ROBO2: variants seen among roughly 807,000 people sequenced by gnomAD.
ROBO2 encodes the protein roundabout homolog 2.
A neutral mutation model predicts 160.8 loss-of-function variants in ROBO2; 53 were observed. The ratio of observed to expected loss-of-function variants is 0.33; its 90% CI spans 0.26 to 0.41. The LOEUF (loss-of-function observed/expected upper bound fraction) is 0.41, where lower values mean the gene tolerates loss of function less well. Ranked by LOEUF, ROBO2 falls within the 10% of genes least tolerant of loss-of-function variation. The pLI, the probability that ROBO2 is intolerant of heterozygous loss-of-function variation, is 1.00. For missense variants in ROBO2, 1,577 were observed against 1,722.4 expected (o/e 0.92, Z 1.49); for synonymous variants, 664 against 611.7 (o/e 1.09, Z -1.26).
At chr3:76,536,498 C>A (rs1285348832) in intron 2 of ROBO2, among the ~76,000 whole-genome samples, 2 of 152,016 alleles carry the variant, frequency 1.3e-5, no homozygotes, top group African/African-American at 4.8e-5. Context: ...ACCTTGGGTA[C>A]CTTCTTTAAG....
chr3:76,467,124 GA>G (rs1168141541), intron 2 of ROBO2, among the ~76,000 whole-genome samples: 2 of 151,986 alleles, frequency 1.3e-5, no homozygotes, highest in African/African-American at 4.8e-5. Context: ...TAAATATCAA[GA>G]AAAAACTTGT....
intron 12 of ROBO2, 145 bp from the exon 14 acceptor site, chr3:77,568,168 G>A (rs534739108): frequency 3.8e-6 from 3 of 787,658 alleles, no homozygotes; most frequent in Non-Finnish European, 6.3e-6. Context: ...TATATATATA[G>A]GCTTAAATGC....
intron 2 of ROBO2, among the ~76,000 whole-genome samples, chr3:77,196,877 C>G: frequency 6.6e-6 from 1 of 150,972 alleles, no homozygotes; most frequent in African/African-American, 2.4e-5. Context: ...TGGAAAATTT[C>G]ACTTATATAT....
intron 2 of ROBO2, among the ~76,000 whole-genome samples, chr3:77,464,745 A>C (rs1054217374): frequency 1.3e-5 from 2 of 152,188 alleles, no homozygotes; most frequent in African/African-American, 4.8e-5. Context: ...GGATATTAGA[A>C]GGAAAATGAA....
At chr3:76,882,083 T>G (rs2073394349) in intron 2 of ROBO2, among the ~76,000 whole-genome samples, 2 of 127,582 alleles carry the variant, frequency 1.6e-5, no homozygotes, top group African/African-American at 3.0e-5. Context: ...GGTCGTAGGT[T>G]GGTTGTGTGT....
intron 2 of ROBO2, among the ~76,000 whole-genome samples, chr3:76,982,002 A>C (rs753650975): frequency 6.6e-6 from 1 of 152,190 alleles, no homozygotes; most frequent in Non-Finnish European, 1.5e-5. Flanking sequence ...TGGGGATTAC[A>C]TTTCAACATG....
intron 2 of ROBO2, among the ~76,000 whole-genome samples, chr3:76,095,449 G>A (rs2069401629): frequency 6.6e-6 from 1 of 151,962 alleles, no homozygotes; most frequent in Non-Finnish European, 1.5e-5. Flanking sequence ...ACAAACATCT[G>A]TGCAAAACCA....
intron 2 of ROBO2, among the ~76,000 whole-genome samples, chr3:76,734,124 A>T (rs186291321): frequency 6.6e-6 from 1 of 152,162 alleles, no homozygotes; most frequent in Non-Finnish European, 1.5e-5. Context: ...TTTGTACTTC[A>T]ACATACGAAC....
At chr3:77,493,445 A>G (rs1171621813) in intron 5 of ROBO2, 63 bp downstream of exon 5, 2 of 1,566,892 alleles carry the variant, frequency 1.3e-6, no homozygotes, top group East Asian at 2.3e-5. Context: ...AAATAAAAGG[A>G]CAGCTACAAT....
chr3:77,319,916 C>T (rs1200230568), intron 2 of ROBO2, among the ~76,000 whole-genome samples: 1 of 152,112 alleles, frequency 6.6e-6, no homozygotes. Context: ...AGCCTAAAAA[C>T]CCAAAAAGAT....
At chr3:77,152,792 A>G in intron 2 of ROBO2, among the ~76,000 whole-genome samples, 1 of 152,328 alleles carries the variant, frequency 6.6e-6, no homozygotes, top group Non-Finnish European at 1.5e-5. Context: ...CATATTCCTT[A>G]TAACTCACCC....
intron 2 of ROBO2, among the ~76,000 whole-genome samples, chr3:76,335,178 GTTTTTTTTTTTTTT>G: frequency 1.3e-5 from 1 of 77,874 alleles, no homozygotes; most frequent in East Asian, 4.3e-4. Context: ...TTTCTGTTTT[GTTTTTTTTTTTTTT>G]TTTTTTTTTG....
chr3:76,000,995 CTTCT>C (rs887321687), intron 2 of ROBO2, among the ~76,000 whole-genome samples: 2 of 152,008 alleles, frequency 1.3e-5, no homozygotes, highest in African/African-American at 4.8e-5. Flanking sequence ...TCTATTTTTA[CTTCT>C]TTATTTTTTC....
At chr3:76,213,168 G>A (rs938345113) in intron 2 of ROBO2, among the ~76,000 whole-genome samples, 1 of 152,096 alleles carries the variant, frequency 6.6e-6, no homozygotes, top group African/African-American at 2.4e-5. Flanking sequence ...TCTTGAGAGA[G>A]AGATTTTGGA....
intron 2 of ROBO2, among the ~76,000 whole-genome samples, chr3:76,399,564 G>C (rs184516523): frequency 8.1e-4 from 123 of 151,680 alleles, no homozygotes; most frequent in African/African-American, 2.9e-3. Context: ...ACAAATTAAT[G>C]GCATAATAAA....
rs1001945309 is a variant in ROBO2, at chr3:77,621,825, C to A, written c.3555-402C>A. On this transcript the variant is annotated intron_variant, in intron 22 of 25. Coordinates refer to ENST00000461745, the Ensembl canonical transcript of ROBO2. ...TCTTTTCTTCATAAGGGCCAGCAGG[C>A]AGCATGGGTTACACAGACTGAGTAG... Among the ~76,000 whole-genome samples, 4 of 152,110 alleles carry A rather than the reference C, an allele frequency of 2.6e-5. No individual in the cohort carries two copies. In the South Asian group the frequency reaches 8.3e-4, roughly 32 times the overall value.
chr3:76,594,211 C>G (rs1364854187), intron 2 of ROBO2, among the ~76,000 whole-genome samples: 2 of 151,954 alleles, frequency 1.3e-5, no homozygotes, highest in Non-Finnish European at 2.9e-5. Flanking sequence ...AGTTGCAGAG[C>G]TAGTTGAGAG....
chr3:76,319,252 T>G (rs1375503777), intron 2 of ROBO2, among the ~76,000 whole-genome samples: 1 of 152,064 alleles, frequency 6.6e-6, no homozygotes, highest in African/African-American at 2.4e-5. Context: ...CCAAAGTCTT[T>G]TATTGATGTC....
chr3:76,138,236 G>A (rs147736728), intron 2 of ROBO2, among the ~76,000 whole-genome samples: 11 of 151,908 alleles, frequency 7.2e-5, no homozygotes, highest in African/African-American at 2.4e-4. Context: ...ATAGAGAAAA[G>A]CACTTTTATG....
Sources: allele counts gnomAD v4.1 joint callset (sites outside exome capture counted in the v4.1 genomes callset), GRCh38; gene constraint gnomAD v4.1.1; transcripts MANE v1.5; gene names NCBI Gene and HGNC (gene_info 2026-07-23, HGNC 2026-07-21).